The following KHDRBS2 variants were observed in gnomAD, a reference collection of about 807,000 sequenced individuals.
KHDRBS2 encodes the protein KH domain-containing, RNA-binding, signal transduction-associated protein 2.
Under a neutral mutation model 44.3 loss-of-function variants are expected in KHDRBS2, and 26 were observed. That is an observed-to-expected ratio of 0.59 (90% confidence interval 0.43 to 0.81). The LOEUF is 0.81. Among genes scored for constraint, KHDRBS2 ranks in the 40% least tolerant of loss-of-function variants. The pLI is 0.00. For synonymous variants in KHDRBS2, 194 were observed against 151.1 expected (o/e 1.28, Z -2.08); for missense variants, 476 against 433.1 (o/e 1.10, Z -0.88).
chr6:62,270,611 C>T (rs1256362601), intron 1 of KHDRBS2, among the ~76,000 whole-genome samples: 4 of 151,872 alleles, frequency 2.6e-5, no homozygotes, highest in Admixed American at 2.0e-4. Context: ...TACTTTGCCA[C>T]GGGTATTGTT....
chr6:61,974,880 G>A (rs927093181), intron 4 of KHDRBS2, among the ~76,000 whole-genome samples: 2 of 151,594 alleles, frequency 1.3e-5, no homozygotes, highest in African/African-American at 4.8e-5. Flanking sequence ...GCAGTGAGCC[G>A]AGATCGTTCC....
At chr6:62,021,277 G>A (rs1405147284) in intron 3 of KHDRBS2, among the ~76,000 whole-genome samples, 1 of 151,924 alleles carries the variant, frequency 6.6e-6, no homozygotes, top group Non-Finnish European at 1.5e-5. Context: ...GGTGGGAGGA[G>A]GGAGAGATTC....
intron 7 of KHDRBS2, among the ~76,000 whole-genome samples, chr6:61,699,552 G>A (rs1215064070): frequency 1.3e-5 from 2 of 151,926 alleles, no homozygotes; most frequent in African/African-American, 4.8e-5. Context: ...ATGCCAAAGG[G>A]TTAGGATGGA....
the KHDRBS2 span, among the ~76,000 whole-genome samples, chr6:61,557,351 C>T: frequency 3.2e-4 from 49 of 152,066 alleles, no homozygotes; most frequent in Middle Eastern, 3.4e-3. Flanking sequence ...ATGAAGAAAG[C>T]GAAATAAAGT....
At chr6:62,199,738 A>G (rs1172249832) in intron 1 of KHDRBS2, among the ~76,000 whole-genome samples, 2 of 152,318 alleles carry the variant, frequency 1.3e-5, no homozygotes, top group East Asian at 3.9e-4. Context: ...AAACTACTTT[A>G]AAGTTCACAT....
chr6:61,973,007 G>A (rs1771754822), intron 4 of KHDRBS2, among the ~76,000 whole-genome samples: 1 of 152,118 alleles, frequency 6.6e-6, no homozygotes, highest in African/African-American at 2.4e-5. Context: ...TAAGCTGTGT[G>A]TGGTGGCATG....
intron 2 of KHDRBS2, among the ~76,000 whole-genome samples, chr6:62,108,748 C>A (rs1804195953): frequency 6.6e-6 from 1 of 152,092 alleles, no homozygotes; most frequent in Non-Finnish European, 1.5e-5. Flanking sequence ...ATATATACAC[C>A]ATGGAATACT....
chr6:61,790,712 G>T (rs9452413), intron 6 of KHDRBS2, among the ~76,000 whole-genome samples: 4,699 of 151,552 alleles, frequency 0.031, 261 homozygotes, highest in African/African-American at 0.11. Flanking sequence ...ATGCACAGTA[G>T]CATTCAGTAA....
chr6:62,243,197 C>T (rs1834977920), intron 1 of KHDRBS2, among the ~76,000 whole-genome samples: 3 of 151,830 alleles, frequency 2.0e-5, no homozygotes, highest in Admixed American at 2.0e-4. Flanking sequence ...ATCTATATAT[C>T]ATATCTATGT....
chr6:62,197,146 T>C (rs914040504), intron 1 of KHDRBS2, among the ~76,000 whole-genome samples: 16 of 152,160 alleles, frequency 1.1e-4, no homozygotes, highest in African/African-American at 2.9e-4. Flanking sequence ...ATGTAGAATA[T>C]GAAGACTTCC....
the KHDRBS2 span, among the ~76,000 whole-genome samples, chr6:61,627,632 C>T: frequency 6.6e-6 from 1 of 152,102 alleles, no homozygotes; most frequent in Non-Finnish European, 1.5e-5. Context: ...CCAATAAAAA[C>T]TCAATACAAT....
chr6:62,088,983 AC>A lies in KHDRBS2; in HGVS notation c.220-40990del, dbSNP rs546432140. Among the ~76,000 whole-genome samples, 910 of 152,176 alleles carry A rather than the reference AC, an allele frequency of 6.0e-3. 7 individuals carry two copies. The highest frequency in any genetic ancestry group is 0.01 in the Non-Finnish European group (701 of 68,010). On this transcript the variant is annotated intron_variant, in intron 2 of 8. Transcript: ENST00000281156. The stretch of plus-strand genomic sequence containing the variant: ...GATTTGCCCAGTGGCAGTGGGCTCC[AC>A]CCAGTGTGAACTTCCAGGCAGCTTT...
intron 1 of KHDRBS2, among the ~76,000 whole-genome samples, chr6:62,180,293 G>A (rs1054519452): frequency 6.6e-6 from 1 of 151,778 alleles, no homozygotes; most frequent in African/African-American, 2.4e-5. Context: ...TGTAGGAAAC[G>A]CCTAAAGACT....
intron 4 of KHDRBS2, among the ~76,000 whole-genome samples, chr6:61,907,390 G>A (rs1168755419): frequency 6.6e-6 from 1 of 152,044 alleles, no homozygotes; most frequent in Non-Finnish European, 1.5e-5. Context: ...CATTTGCTGT[G>A]CAGAAGCCTT....
At chr6:62,106,090 G>A (rs1348773722) in intron 2 of KHDRBS2, among the ~76,000 whole-genome samples, 1 of 152,172 alleles carries the variant, frequency 6.6e-6, no homozygotes, top group Non-Finnish European at 1.5e-5. Flanking sequence ...GAGCAGTTTT[G>A]AGTGAGTTTC....
intron 2 of KHDRBS2, among the ~76,000 whole-genome samples, chr6:62,075,182 G>T (rs1283538414): frequency 2.0e-5 from 3 of 151,860 alleles, no homozygotes; most frequent in East Asian, 1.9e-4. Context: ...CAAGGTGATG[G>T]TATTAAGAAG....
chr6:62,226,375 T>G (rs1831824437), intron 1 of KHDRBS2, among the ~76,000 whole-genome samples: 4 of 152,210 alleles, frequency 2.6e-5, no homozygotes, highest in Non-Finnish European at 5.9e-5. Context: ...GCCCAATTTT[T>G]GATGGGGTTG....
the KHDRBS2 span, among the ~76,000 whole-genome samples, chr6:61,624,926 G>A: frequency 6.6e-6 from 1 of 152,140 alleles, no homozygotes; most frequent in Non-Finnish European, 1.5e-5. Flanking sequence ...CAGAGATTCT[G>A]TTAAACTACA....
intron 7 of KHDRBS2, among the ~76,000 whole-genome samples, chr6:61,703,490 A>T (rs1432929750): frequency 1.3e-5 from 2 of 151,824 alleles, no homozygotes; most frequent in Non-Finnish European, 2.9e-5. Flanking sequence ...TCTCATCAGC[A>T]TTTACACTGA....
Sources: gnomAD v4.1 joint callset for allele counts (sites outside exome capture counted in the v4.1 genomes callset) on GRCh38, gnomAD v4.1.1 for gene constraint, MANE v1.5 for transcripts, NCBI Gene and HGNC (gene_info 2026-07-23, HGNC 2026-07-21) for gene names.